The following APOOL variants were observed in gnomAD, a reference collection of about 807,000 sequenced individuals.
APOOL encodes MICOS complex subunit MIC27.
APOOL carries 12 observed loss-of-function variants against 23.1 expected under a neutral mutation model. The observed-to-expected ratio is 0.52, with a 90% CI of 0.33 to 0.84. The LOEUF (loss-of-function observed/expected upper bound fraction) is 0.84, where lower values mean the gene tolerates loss of function less well. Ranked by LOEUF, APOOL falls within the 40% of genes least tolerant of loss-of-function variation. APOOL has a pLI of 0.02. For missense variants in APOOL, 212 were observed against 199.6 expected, an observed-to-expected ratio of 1.06 and a Z score of -0.37; for synonymous variants, 77 against 69.9, an observed-to-expected ratio of 1.10 and a Z score of -0.51.
chrX:85,076,877 A>G (rs1161632869), intron 8 of APOOL, among the ~76,000 whole-genome samples: 1 of 107,654 alleles, frequency 9.3e-6, no homozygotes, highest in Non-Finnish European at 1.9e-5. Flanking sequence ...TGATGAAAGC[A>G]GAATGAAATC....
chrX:85,029,038 G>A (rs1172129894), intron 1 of APOOL, among the ~76,000 whole-genome samples: 1 of 111,271 alleles, frequency 9.0e-6, no homozygotes, highest in African/African-American at 3.3e-5. Flanking sequence ...CTTTCTTCTG[G>A]GTATATATCC....
chrX:85,022,468 A>G (rs1253028566), intron 1 of APOOL, among the ~76,000 whole-genome samples: 12 of 112,168 alleles, frequency 1.1e-4, no homozygotes, highest in Admixed American at 9.5e-4. Context: ...GACATTAACA[A>G]AAGGAAGGAC....
chrX:85,036,828 A>G (rs1352374917), intron 1 of APOOL, among the ~76,000 whole-genome samples: 1 of 110,728 alleles, frequency 9.0e-6, no homozygotes, highest in Non-Finnish European at 1.9e-5. Context: ...CCCAGTATGT[A>G]GTCTTTTTTC....
At chrX:85,054,446 A>G in intron 4 of APOOL, 48 bp downstream of exon 4, 1 of 1,055,011 alleles carries the variant, frequency 9.5e-7, no homozygotes, top group Non-Finnish European at 1.3e-6. Flanking sequence ...TTTAAATTGC[A>G]TTGTTTAAAT....
chrX:85,072,085 G>A (rs1170804774), intron 6 of APOOL, among the ~76,000 whole-genome samples: 2 of 111,464 alleles, frequency 1.8e-5, no homozygotes, highest in African/African-American at 6.5e-5. Flanking sequence ...CTCCAGCCTG[G>A]GTGACAGAGA....
chrX:85,077,817 G>A (rs1271206649), intron 8 of APOOL, among the ~76,000 whole-genome samples: 7 of 111,888 alleles, frequency 6.3e-5, no homozygotes, highest in African/African-American at 1.9e-4. Context: ...GTGTGAGATG[G>A]TATCTCATTG....
chrX:85,010,039 A>C (rs766502612), intron 1 of APOOL, among the ~76,000 whole-genome samples: 1 of 111,340 alleles, frequency 9.0e-6, no homozygotes, highest in Admixed American at 9.5e-5. Context: ...TTTTTAATCC[A>C]ATCTGTTATT....
rs148533915 is a variant in APOOL at position 85,015,542 on chromosome X, A to ATT, written c.15+11616_15+11617insTT. 1.0e-4 allele frequency among the ~76,000 whole-genome samples: 10 copies of ATT among 98,982 alleles called. No homozygotes were observed. In the South Asian group the frequency reaches 4.1e-3, roughly 40 times the overall value. 86.0% of individuals were successfully genotyped at this position (98,982 alleles called of 115,157 possible). On this transcript the variant is annotated intron_variant, in intron 1 of 8. Transcript: ENST00000373173. ...TTTCCTTCTTAAGGATCGGACTTTA[A>ATT]TATTTATTTATTTATTTATTTATTT...
At chrX:85,072,800 C>G (rs1602790272) in intron 6 of APOOL, among the ~76,000 whole-genome samples, 1 of 111,668 alleles carries the variant, frequency 9.0e-6, no homozygotes, top group Admixed American at 9.6e-5. Flanking sequence ...AATATGTGTA[C>G]TGTGATCTCA....
chrX:85,083,760 C>G (rs191991875), intron 8 of APOOL, among the ~76,000 whole-genome samples: 1 of 111,426 alleles, frequency 9.0e-6, no homozygotes, highest in Admixed American at 9.6e-5. Context: ...AACTAACTTG[C>G]TTAAAATATC....
chrX:85,086,321 A>G (rs1357458309), intron 8 of APOOL, among the ~76,000 whole-genome samples: 7 of 111,443 alleles, frequency 6.3e-5, no homozygotes, highest in African/African-American at 1.3e-4. Flanking sequence ...ACATCTTCTA[A>G]TCTTAACCCA....
intron 1 of APOOL, among the ~76,000 whole-genome samples, chrX:85,015,646 G>A (rs1378440477): frequency 9.2e-6 from 1 of 108,382 alleles, no homozygotes; most frequent in African/African-American, 3.4e-5. Context: ...TCTGTTCACT[G>A]CAACCTCCGC....
chrX:85,079,746 T>C (rs1302786540), intron 8 of APOOL, among the ~76,000 whole-genome samples: 1 of 111,711 alleles, frequency 9.0e-6, no homozygotes, highest in Non-Finnish European at 1.9e-5. Context: ...GGTAGGCTAT[T>C]AATTATTGCC....
chrX:85,042,865 G>A (rs1922445834), intron 1 of APOOL, among the ~76,000 whole-genome samples: 1 of 111,828 alleles, frequency 8.9e-6, no homozygotes, highest in Non-Finnish European at 1.9e-5. Context: ...TGGTGAAAAA[G>A]CATTTGATAA....
intron 1 of APOOL, among the ~76,000 whole-genome samples, chrX:85,027,292 C>T (rs1238833291): frequency 9.0e-6 from 1 of 111,314 alleles, no homozygotes; most frequent in African/African-American, 3.3e-5. Context: ...AGCACCAAGC[C>T]ATGAGGGATC....
At chrX:85,053,719 T>C (rs1002067184) in intron 3 of APOOL, among the ~76,000 whole-genome samples, 6 of 111,772 alleles carry the variant, frequency 5.4e-5, no homozygotes, top group African/African-American at 1.9e-4. Context: ...TAGAAACAGG[T>C]AAAGTTAAAG....
intron 1 of APOOL, among the ~76,000 whole-genome samples, chrX:85,031,954 C>G (rs951266074): frequency 3.6e-5 from 4 of 111,428 alleles, no homozygotes; most frequent in Admixed American, 9.6e-5. Flanking sequence ...ATAGAATGCT[C>G]TCAATATTCC....
At chrX:85,050,263 AG>A (rs892999570) in intron 2 of APOOL, among the ~76,000 whole-genome samples, 46 of 111,411 alleles carry the variant, frequency 4.1e-4, no homozygotes, top group Admixed American at 1.7e-3. Flanking sequence ...TTTTAACTTT[AG>A]ATAAAAAAAC....
At chrX:85,072,781 T>C (rs1923713139) in intron 6 of APOOL, among the ~76,000 whole-genome samples, 1 of 111,864 alleles carries the variant, frequency 8.9e-6, no homozygotes, top group Non-Finnish European at 1.9e-5. Flanking sequence ...AAAAATCATA[T>C]CTCAGAATAA....
Sources: allele counts gnomAD v4.1 joint callset (sites outside exome capture counted in the v4.1 genomes callset), GRCh38; gene constraint gnomAD v4.1.1; transcripts MANE v1.5; gene names NCBI Gene and HGNC (gene_info 2026-07-23, HGNC 2026-07-21).